NOP9: variants seen among roughly 807,000 people sequenced by gnomAD.
The protein encoded by NOP9 is NOP9 nucleolar protein, also known as nucleolar protein 9.
In NOP9, 50 loss-of-function variants were observed where a neutral mutation model predicts 63.0. The ratio of observed to expected loss-of-function variants is 0.79; its 90% CI spans 0.63 to 1.00. The LOEUF is 1.00. Among genes scored for constraint, NOP9 ranks in the 50% least tolerant of loss-of-function variants. The pLI is 0.00. For missense variants in NOP9, 758 were observed against 803.0 expected, an observed-to-expected ratio of 0.94 and a Z score of 0.68; for synonymous variants, 343 against 332.8, an observed-to-expected ratio of 1.03 and a Z score of -0.33.
the NOP9 span, among the ~76,000 whole-genome samples, chr14:24,288,402 T>C: frequency 3.9e-4 from 59 of 151,924 alleles, no homozygotes; most frequent in African/African-American, 1.4e-3. Context: ...CAGGCTGGAG[T>C]GCAGTGGCGC....
In NOP9 at chr14:24,305,081, A is replaced by T. The variant is rs376570830; in HGVS notation, c.1897A>T (p.Ile633Leu). Residue 633 changes from isoleucine to leucine, a missense_variant, in exon 10 of 10, where the codon ATA (isoleucine) becomes TTA (leucine). Coordinates refer to ENST00000267425, the MANE Select transcript of NOP9 (RefSeq NM_174913.3). ...VAKRRRALNS[I>L]LED Reference sequence around the variant, plus strand: ...CAAGCGGAGGCGGGCATTGAACTCCATACTTGAAGACTGAGGCTTTGGATC... The same window carrying T: ...CAAGCGGAGGCGGGCATTGAACTCCTTACTTGAAGACTGAGGCTTTGGATC... The T allele has an allele frequency of 1.8e-5, 28 of 1,549,996 alleles. No homozygotes were observed. Among genetic ancestry groups the T allele is most frequent in the Non-Finnish European group, 2.4e-5 (27 of 1,146,356 alleles).
the NOP9 span, among the ~76,000 whole-genome samples, chr14:24,281,509 A>G: frequency 1.3e-5 from 2 of 152,234 alleles, no homozygotes; most frequent in Non-Finnish European, 2.9e-5. Context: ...CCTAATCCCT[A>G]ACTTTGGGAA....
chr14:24,300,157 C>T lies in NOP9; in HGVS notation c.203C>T (p.Ala68Val). ...SPEALGYFRR[A>V]LSALKEAPET... ...GAAGCTCTGGGATATTTCCGCCGGG[C>T]GCTGTCAGCATTGAAAGAGGCTCCC... Residue 68 changes from alanine (A) to valine (V), a missense_variant, in exon 1 of 10, where the codon GCG becomes GTG. Ala to Val is a moderately conservative substitution (Grantham distance 64). Coordinates refer to ENST00000267425, the MANE Select transcript of NOP9 (RefSeq NM_174913.3). The T allele has an allele frequency of 6.2e-7, 1 of 1,614,060 alleles. No homozygotes were observed. Among genetic ancestry groups the T allele is most frequent in the Non-Finnish European group, 8.5e-7 (1 of 1,180,004 alleles).
intron 9 of NOP9, 63 bp downstream of exon 9, chr14:24,304,661 G>T: frequency 6.2e-6 from 8 of 1,300,350 alleles, no homozygotes; most frequent in Admixed American, 2.4e-5. Context: ...CAGATCACTG[G>T]GTAGCTGGGA....
chr14:24,299,628 G>T, upstream of NOP9: 1 of 306,614 alleles, frequency 3.3e-6, no homozygotes, highest in Non-Finnish European at 6.0e-6. Flanking sequence ...GGGCTGCGGT[G>T]GAAGTCTGGG....
chr14:24,280,019 C>T, the NOP9 span, among the ~76,000 whole-genome samples: 1 of 152,168 alleles, frequency 6.6e-6, no homozygotes, highest in African/African-American at 2.4e-5. Context: ...TTTGGGGGAG[C>T]ACTCAGGCCT....
chr14:24,306,598 C>T lies in NOP9; in HGVS notation c.*1503C>T. The T allele has an allele frequency of 6.3e-7, 1 of 1,590,052 alleles. No individual in the cohort carries two copies. Among genetic ancestry groups the T allele is most frequent in the South Asian group, 1.1e-5 (1 of 90,074 alleles). On this transcript the variant is annotated 3_prime_UTR_variant, in exon 10 of 10. Coordinates refer to ENST00000267425, the MANE Select transcript of NOP9 (RefSeq NM_174913.3). ...CCCTCTTTAGCTGCCCAACATCCAT[C>T]AGTTGGCTCTAGACATTGGTCGATG...
At chr14:24,304,640 C>G (rs1264370469) in intron 9 of NOP9, 42 bp downstream of exon 9, 2 of 1,421,686 alleles carry the variant, frequency 1.4e-6, no homozygotes, top group South Asian at 1.3e-5. Context: ...AGACTCTCCC[C>G]TCTCTTACTC....
upstream of NOP9, chr14:24,299,409 A>C: frequency 3.5e-6 from 1 of 289,140 alleles, no homozygotes; most frequent in Non-Finnish European, 6.5e-6. Context: ...GGATATGGGA[A>C]TCTGGCGCGG....
chr14:24,304,252 G>C lies in NOP9; in HGVS notation c.1622G>C (p.Arg541Pro). Residue 541 changes from arginine to proline, a missense_variant, in exon 8 of 10, where the codon CGC (arginine) becomes CCC (proline). Physicochemically the swap from Arg to Pro is moderately radical, Grantham distance 103. Transcript: ENST00000267425. ...LTSPSVTRKL[R>P]RRVLQNLKGQ... Reference sequence around the variant, plus strand: ...AGCCCCTCTGTGACGCGCAAGCTGCGCCGCCGTGTGCTGCAGAACCTAAAG... The same window carrying C: ...AGCCCCTCTGTGACGCGCAAGCTGCCCCGCCGTGTGCTGCAGAACCTAAAG... 6.2e-7 allele frequency: 1 copy of C among 1,613,824 alleles called. No homozygotes were observed. Among genetic ancestry groups the C allele is most frequent in the Non-Finnish European group, 8.5e-7 (1 of 1,179,940 alleles).
chr14:24,277,550 C>T, the NOP9 span, among the ~76,000 whole-genome samples: 1 of 152,154 alleles, frequency 6.6e-6, no homozygotes, highest in African/African-American at 2.4e-5. Context: ...CTTCTGTGCT[C>T]CCGAAGCCAT....
At chr14:24,301,080 A>C (rs1055884933) in intron 2 of NOP9, among the ~76,000 whole-genome samples, 10 of 152,142 alleles carry the variant, frequency 6.6e-5, no homozygotes, top group African/African-American at 2.2e-4. Flanking sequence ...ATTAGAATGG[A>C]CGCAGGAGGA....
rs1349767793 is a variant in NOP9, at chr14:24,299,934, C to T, written c.-21C>T. 6.6e-7 allele frequency: 1 copy of T among 1,517,812 alleles called. No individual in the cohort carries two copies. Among genetic ancestry groups the T allele is most frequent in the African/African-American group, 1.4e-5 (1 of 71,742 alleles). 94.0% of individuals were successfully genotyped at this position (1,517,812 alleles called of 1,614,324 possible). A position where few individuals can be genotyped will look rare whatever the true frequency, so the allele number is the denominator to read the frequency against. On this transcript the variant is annotated 5_prime_UTR_variant, in exon 1 of 10. Coordinates refer to ENST00000267425, the MANE Select transcript of NOP9 (RefSeq NM_174913.3). ...CCGCAGTTAAGGAAGCTTTTGCAGC[C>T]GGACAGGTCGCGAAGCACACATGGG...
At chr14:24,284,049 G>C in the NOP9 span, among the ~76,000 whole-genome samples, 24 of 152,230 alleles carry the variant, frequency 1.6e-4, no homozygotes, top group African/African-American at 5.8e-4. Flanking sequence ...CAGGGAGTCA[G>C]GACACACTGA....
At position 24,303,189 on chromosome 14, in the gene NOP9, C is replaced by A. The variant is rs768549911; in HGVS notation, c.1259C>A (p.Ala420Asp). Reference sequence around the variant, plus strand: ...TGTCGCAGAGTTGGGGCCTACCAAGCCAAGGTCCTACAGCTCTTGTTGGAG... The same window carrying A: ...TGTCGCAGAGTTGGGGCCTACCAAGACAAGGTCCTACAGCTCTTGTTGGAG... ...GACRRVGAYQ[A>D]KVLQLLLEAF... Residue 420 changes from alanine (A) to aspartate (D), a missense_variant, in exon 6 of 10, where the codon GCC becomes GAC. By Grantham distance (126) the Ala-to-Asp change is moderately radical. Coordinates refer to ENST00000267425, the MANE Select transcript of NOP9 (RefSeq NM_174913.3). 1.3e-5 allele frequency: 21 copies of A among 1,614,004 alleles called. No homozygotes were observed. The highest frequency in any genetic ancestry group is 1.7e-5 in the Non-Finnish European group (20 of 1,180,032).
intron 5 of NOP9, 79 bp downstream of exon 5, chr14:24,302,503 A>G (rs1464335961): frequency 4.4e-6 from 6 of 1,372,848 alleles, no homozygotes; most frequent in Non-Finnish European, 6.0e-6. Context: ...GTCTGCCTCT[A>G]TATACCTTTG....
the NOP9 span, among the ~76,000 whole-genome samples, chr14:24,290,061 G>T: frequency 2.0e-5 from 3 of 152,260 alleles, no homozygotes; most frequent in Non-Finnish European, 2.9e-5. Flanking sequence ...CTCCTCTTAG[G>T]AACACACCCC....
chr14:24,296,936 C>G, upstream of NOP9: 3 of 1,608,738 alleles, frequency 1.9e-6, no homozygotes, highest in Non-Finnish European at 1.7e-6. Context: ...TGAGTCATGA[C>G]AAAACTCCCC....
At chr14:24,274,118 A>G in the NOP9 span, among the ~76,000 whole-genome samples, 1 of 151,960 alleles carries the variant, frequency 6.6e-6, no homozygotes, top group South Asian at 2.1e-4. Context: ...CTCCCACCTC[A>G]CCACCAGCCT....
Sources: gnomAD v4.1 joint callset for allele counts (sites outside exome capture counted in the v4.1 genomes callset) on GRCh38, gnomAD v4.1.1 for gene constraint, MANE v1.5 for transcripts, NCBI Gene and HGNC (gene_info 2026-07-23, HGNC 2026-07-21) for gene names.